Variants in TMEFF2 observed in about 807,000 individuals in gnomAD.
TMEFF2 encodes transmembrane protein with EGF like and two follistatin like domains 2.
Under a neutral mutation model 53.8 loss-of-function variants are expected in TMEFF2, and 28 were observed. The observed-to-expected ratio is 0.52, with a 90% CI of 0.39 to 0.71. The LOEUF is 0.71. Ranked by LOEUF, TMEFF2 falls within the 30% of genes least tolerant of loss-of-function variation. The pLI, the probability that TMEFF2 is intolerant of heterozygous loss-of-function variation, is 0.00. For missense variants in TMEFF2, 353 were observed against 455.2 expected (o/e 0.78, Z 2.04); for synonymous variants, 162 against 166.3 (o/e 0.97, Z 0.20).
chr2:191,974,302 A>C (rs902957602), intron 7 of TMEFF2, among the ~76,000 whole-genome samples: 1 of 151,994 alleles, frequency 6.6e-6, no homozygotes. Context: ...GATTCCTATG[A>C]TTGCCTTCTT....
chr2:192,036,313 AT>A (rs1687292249), intron 5 of TMEFF2: 1 of 152,230 alleles, frequency 6.6e-6, no homozygotes, highest in Non-Finnish European at 1.5e-5. Flanking sequence ...CCAACTGGAT[AT>A]TCTGCTGGAA....
chr2:192,056,504 T>G (rs968084725), intron 5 of TMEFF2, among the ~76,000 whole-genome samples: 1 of 152,090 alleles, frequency 6.6e-6, no homozygotes, highest in African/African-American at 2.4e-5. Flanking sequence ...CCTCAGAAGT[T>G]TGAGTTATTC....
rs1024368645 is a variant in TMEFF2 at position 192,034,047 on chromosome 2, C to T, written c.536+23632G>A. Among the ~76,000 whole-genome samples the T allele has an allele frequency of 1.1e-4, 17 of 151,902 alleles. 1 individual carries two copies. Among genetic ancestry groups the T allele is most frequent in the Non-Finnish European group, 2.1e-4 (14 of 67,948 alleles). ...AAAATTAGCCGGGCGTGGTGGCAAG[C>T]GCCTGTAGTCCCAGCTACTCAGGAG... On this transcript the variant is annotated intron_variant, in intron 5 of 9. Transcript: ENST00000272771.
At chr2:192,055,355 A>G (rs1687876725) in intron 5 of TMEFF2, among the ~76,000 whole-genome samples, 1 of 152,184 alleles carries the variant, frequency 6.6e-6, no homozygotes, top group African/African-American at 2.4e-5. Flanking sequence ...CTGATTCATT[A>G]ATTTTGGGGC....
chr2:192,189,010 C>A (rs1213097775), intron 2 of TMEFF2, among the ~76,000 whole-genome samples: 2 of 151,788 alleles, frequency 1.3e-5, no homozygotes, highest in Admixed American at 6.6e-5. Context: ...TCACATGTAC[C>A]CCAAAACCTA....
chr2:191,972,752 C>G (rs1692685386), intron 7 of TMEFF2, among the ~76,000 whole-genome samples: 1 of 152,118 alleles, frequency 6.6e-6, no homozygotes, highest in Non-Finnish European at 1.5e-5. Context: ...TTGGCTAAAA[C>G]ATCTTGGTAG....
chr2:192,011,101 C>T lies in TMEFF2; in HGVS notation c.537-11893G>A, dbSNP rs1013163207. On this transcript the variant is annotated intron_variant, in intron 5 of 9. Coordinates refer to ENST00000272771, the MANE Select transcript of TMEFF2 (RefSeq NM_016192.4). ...TTTTCACTAAACTGTGTGAAGAAAA[C>T]GGGTTGGAGATTAAGTGACTATAGC... is the stretch of plus-strand genomic sequence containing the variant. Among the ~76,000 whole-genome samples, 6 of 152,112 alleles carry T rather than the reference C, an allele frequency of 3.9e-5. No individual in the cohort carries two copies. In the East Asian group the frequency reaches 5.8e-4, roughly 15 times the overall value.
At chr2:192,027,788 G>A (rs141007538) in intron 5 of TMEFF2, 54 of 152,314 alleles carry the variant, frequency 3.5e-4, no homozygotes, top group African/African-American at 1.3e-3. Flanking sequence ...GAAGTCAAGT[G>A]AGACAATGGA....
chr2:191,955,749 G>A (rs1429516647), intron 8 of TMEFF2, among the ~76,000 whole-genome samples: 2 of 151,690 alleles, frequency 1.3e-5, no homozygotes, highest in African/African-American at 4.8e-5. Flanking sequence ...CACTTTGCAC[G>A]GCTCCATGGG....
intron 5 of TMEFF2, among the ~76,000 whole-genome samples, chr2:192,045,795 A>G (rs1194892110): frequency 6.6e-6 from 1 of 152,166 alleles, no homozygotes; most frequent in East Asian, 1.9e-4. Flanking sequence ...CAGGTTGATT[A>G]TATTGGACTG....
intron 7 of TMEFF2, among the ~76,000 whole-genome samples, chr2:191,991,868 A>G (rs1254226829): frequency 6.6e-6 from 1 of 152,108 alleles, no homozygotes; most frequent in Non-Finnish European, 1.5e-5. Context: ...TACCATTTCT[A>G]TGTTTATCTA....
chr2:191,988,171 C>CTTAA (rs781633603), intron 7 of TMEFF2, among the ~76,000 whole-genome samples: 2 of 152,170 alleles, frequency 1.3e-5, no homozygotes, highest in African/African-American at 2.4e-5. Context: ...TAGGCTTACT[C>CTTAA]TTAATTTTTC....
chr2:192,013,485 CTA>C (rs1686677646), intron 5 of TMEFF2, among the ~76,000 whole-genome samples: 1 of 150,506 alleles, frequency 6.6e-6, no homozygotes, highest in Admixed American at 6.6e-5. Flanking sequence ...CAGTCTCGCT[CTA>C]TCCCCCAGGC....
At chr2:192,141,989 C>T (rs1690149550) in intron 4 of TMEFF2, among the ~76,000 whole-genome samples, 5 of 151,822 alleles carry the variant, frequency 3.3e-5, no homozygotes, top group Admixed American at 3.3e-4. Context: ...ATAATATATG[C>T]CACTGTATCA....
At chr2:191,986,392 A>G (rs1430916570) in intron 7 of TMEFF2, among the ~76,000 whole-genome samples, 1 of 152,226 alleles carries the variant, frequency 6.6e-6, no homozygotes, top group African/African-American at 2.4e-5. Context: ...ACTGAATAAG[A>G]TAAGCGATCC....
chr2:192,169,517 G>A (rs941955513), intron 4 of TMEFF2, among the ~76,000 whole-genome samples: 4 of 152,082 alleles, frequency 2.6e-5, no homozygotes, highest in Admixed American at 1.3e-4. Context: ...TTATCCTAAG[G>A]ATGATGGACA....
intron 4 of TMEFF2, among the ~76,000 whole-genome samples, chr2:192,111,204 G>A (rs1312999883): frequency 6.6e-6 from 1 of 152,256 alleles, no homozygotes; most frequent in South Asian, 2.1e-4. Context: ...GGTTGGAACG[G>A]TTTGGAGGGC....
intron 4 of TMEFF2, among the ~76,000 whole-genome samples, chr2:192,077,483 AT>A (rs199819114): frequency 6.6e-6 from 1 of 151,966 alleles, no homozygotes; most frequent in Non-Finnish European, 1.5e-5. Flanking sequence ...ATGCCAATTT[AT>A]TTTTTTTCTT....
At chr2:192,097,499 A>G (rs1688940739) in intron 4 of TMEFF2, among the ~76,000 whole-genome samples, 1 of 152,234 alleles carries the variant, frequency 6.6e-6, no homozygotes, top group Admixed American at 6.5e-5. Context: ...AGATTTTAAG[A>G]TACAACAGAC....
Sources: allele counts gnomAD v4.1 joint callset (sites outside exome capture counted in the v4.1 genomes callset), GRCh38; gene constraint gnomAD v4.1.1; transcripts MANE v1.5; gene names NCBI Gene and HGNC (gene_info 2026-07-23, HGNC 2026-07-21).